CEACAM19: variants seen among roughly 807,000 people sequenced by gnomAD.
CEACAM19 encodes cell adhesion molecule CEACAM19.
CEACAM19 carries 37 observed loss-of-function variants against 37.6 expected under a neutral mutation model. That is an observed-to-expected ratio of 0.98 (90% confidence interval 0.76 to 1.29). CEACAM19 has a LOEUF of 1.29. Among genes scored for constraint, CEACAM19 ranks in the 50% most tolerant of loss-of-function variants. CEACAM19 has a pLI of 0.00. For synonymous variants in CEACAM19, 140 were observed against 149.8 expected (o/e 0.93, Z 0.48); for missense variants, 340 against 375.6 (o/e 0.91, Z 0.78).
rs144807605 is a variant in CEACAM19 at position 44,680,331 on chromosome 19, G to A, written c.703G>A (p.Ala235Thr). The A allele has an allele frequency of 6.2e-7, 1 of 1,608,760 alleles. No homozygotes were observed. Among genetic ancestry groups the A allele is most frequent in the Non-Finnish European group, 8.5e-7 (1 of 1,178,794 alleles). The stretch of plus-strand genomic sequence containing the variant: ...GCCAGAATTGGGCCCTGCTCATGAT[G>A]CTGGTAAGGCGGGAGCCCCAGATCT... ...EKPELGPAHD[A>T]GDNNIYEVMP... The change falls in exon 5 of 8, where the codon GCT becomes ACT. Residue 235 changes from alanine (A) to threonine (T), a missense_variant. By Grantham distance (58) the Ala-to-Thr change is moderately conservative. Transcript: ENST00000358777.
Position 44,682,593 on chromosome 19 carries a change from G to C in CEACAM19, c.819G>C (p.Gln273His). 1 of 1,605,244 alleles carries C rather than the reference G, an allele frequency of 6.2e-7. No individual in the cohort carries two copies. The highest frequency in any genetic ancestry group is 8.5e-7 in the Non-Finnish European group (1 of 1,176,112). Reference protein sequence around the residue: ...ARPLPTPPHLQAEPENHQYQD... With the variant: ...ARPLPTPPHLHAEPENHQYQD... ...CCCTGCCCACACCCCCACACCTGCA[G>C]GCGGAGCCAGAGAACCACCAGTACC... The change falls in exon 7 of 8, where the codon CAG (glutamine) becomes CAC (histidine). Residue 273 changes from glutamine to histidine, a missense_variant. Transcript: ENST00000358777.
At position 44,672,667 on chromosome 19, in the gene CEACAM19, C is replaced by A; in HGVS notation, c.127C>A (p.Pro43Thr). 1 of 1,536,928 alleles carries A rather than the reference C, an allele frequency of 6.5e-7. No homozygotes were observed. Among genetic ancestry groups the A allele is most frequent in the Non-Finnish European group, 8.8e-7 (1 of 1,140,594 alleles). Reference protein sequence around the residue: ...ALYIQKIPEQPQKNQDLLLSV... With the variant: ...ALYIQKIPEQTQKNQDLLLSV... Reference sequence around the variant, plus strand: ...CTACATCCAGAAGATTCCAGAGCAGCCTCAAAAGAACCAGGACCTTCTCCT... The same window carrying A: ...CTACATCCAGAAGATTCCAGAGCAGACTCAAAAGAACCAGGACCTTCTCCT... The change falls in exon 2 of 8, where the codon CCT (proline) becomes ACT (threonine). Residue 43 changes from proline (P) to threonine (T), a missense_variant. Transcript: ENST00000358777.
At chr19:44,666,563 G>A (rs557457248), upstream of CEACAM19, among the ~76,000 whole-genome samples, 1 of 152,262 alleles carries the variant, frequency 6.6e-6, no homozygotes, top group Non-Finnish European at 1.5e-5. Context: ...CCAGCTACTC[G>A]GGAGGCTGAG....
Position 44,681,077 on chromosome 19 carries a change from T to C in CEACAM19, c.707-150T>C, listed in dbSNP as rs559904876. 431 of 625,362 alleles carry C rather than the reference T, an allele frequency of 6.9e-4. 2 individuals carry two copies. The African/African-American group carries it at 7.2e-3, about 11-fold the overall frequency. The allele number at this position is 625,362 out of a possible 1,614,324, so 38.7% of individuals were successfully genotyped here. A position where few individuals can be genotyped will look rare whatever the true frequency, so the allele number is the denominator to read the frequency against. Reference sequence around the variant, plus strand: ...AAGGGCAGGCCTGGGACTGTCGTGGTCAGCACTGTGTCCCCAGCACTGGGT... The same window carrying C: ...AAGGGCAGGCCTGGGACTGTCGTGGCCAGCACTGTGTCCCCAGCACTGGGT... On this transcript the variant is annotated intron_variant, in intron 5 of 7. Coordinates refer to ENST00000358777, the MANE Select transcript of CEACAM19 (RefSeq NM_001127893.3).
chr19:44,667,684 T>TATAAATATATAATATATATTATATAA (rs1973745130), upstream of CEACAM19, among the ~76,000 whole-genome samples: 2 of 83,472 alleles, frequency 2.4e-5, no homozygotes, highest in East Asian at 2.9e-4. Flanking sequence ...ATATTATATA[T>TATAAATATATAATATATATTATATAA]ATAAATATAT....
At chr19:44,680,161 G>C (rs1974028810) in intron 4 of CEACAM19, 127 bp from the exon 5 acceptor site, 1 of 701,998 alleles carries the variant, frequency 1.4e-6, no homozygotes, top group Admixed American at 2.4e-5. Flanking sequence ...CCTCATCCTA[G>C]CTCACTCTGA....
At chr19:44,672,353 C>A in intron 1 of CEACAM19, 1 of 463,334 alleles carries the variant, frequency 2.2e-6, no homozygotes, top group Non-Finnish European at 3.8e-6. Flanking sequence ...TGTTTAGAAG[C>A]AGGCCACACA....
Position 44,682,595 on chromosome 19 carries a change from C to T in CEACAM19, c.821C>T (p.Ala274Val), listed in dbSNP as rs147663502. The change falls in exon 7 of 8, where the codon GCG becomes GTG. Residue 274 changes from alanine (A) to valine (V), a missense_variant. Transcript: ENST00000358777. The part of the protein sequence containing the change: ...RPLPTPPHLQ[A>V]EPENHQYQDL... ...CTGCCCACACCCCCACACCTGCAGG[C>T]GGAGCCAGAGAACCACCAGTACCAG... The T allele has an allele frequency of 1.6e-5, 25 of 1,604,760 alleles. No homozygotes were observed. Among genetic ancestry groups the T allele is most frequent in the African/African-American group, 1.5e-4 (11 of 74,680 alleles).
Position 44,681,249 on chromosome 19 carries a change from G to C in CEACAM19, c.729G>C (p.Val243=), listed in dbSNP as rs1447593246. ...HDAGDNNIYE[V]MPSPVLLVSP... Reference sequence around the variant, plus strand: ...CAGGTGACAACAACATCTATGAAGTGATGCCCTCTCCAGTCCTCCTGGTGT... The same window carrying C: ...CAGGTGACAACAACATCTATGAAGTCATGCCCTCTCCAGTCCTCCTGGTGT... The change falls in exon 6 of 8, where the codon GTG becomes GTC. Residue 243 remains valine (V), a synonymous_variant. Coordinates refer to ENST00000358777, the MANE Select transcript of CEACAM19 (RefSeq NM_001127893.3). 6.2e-7 allele frequency: 1 copy of C among 1,614,070 alleles called. No homozygotes were observed. The highest frequency in any genetic ancestry group is 1.7e-5 in the Admixed American group (1 of 60,002).
Position 44,683,621 on chromosome 19 carries a change from C to A in CEACAM19, c.*131C>A. On this transcript the variant is annotated 3_prime_UTR_variant, in exon 8 of 8. Transcript: ENST00000358777. ...GATGAGGTGGACTCAGCCAAAGACT[C>A]AGCAGCACATGGGGCAGGTGTCCTG... 3.8e-6 allele frequency: 2 copies of A among 523,202 alleles called. No homozygotes were observed. The highest frequency in any genetic ancestry group is 3.4e-5 in the South Asian group (1 of 29,080). The allele number at this position is 523,202 out of a possible 1,614,324, so 32.4% of individuals were successfully genotyped here.
chr19:44,681,607 T>TAC (rs1339911604), intron 6 of CEACAM19, among the ~76,000 whole-genome samples: 4 of 151,984 alleles, frequency 2.6e-5, no homozygotes, highest in Non-Finnish European at 5.9e-5. Flanking sequence ...GGGGAGGTTT[T>TAC]ATATATATAT....
intron 5 of CEACAM19, 43 bp downstream of exon 5, chr19:44,680,377 A>G: frequency 1.3e-6 from 2 of 1,551,422 alleles, no homozygotes; most frequent in South Asian, 1.1e-5. Flanking sequence ...CCCTCCTCTC[A>G]GCTCCTCCTT....
chr19:44,674,318 A>ATT (rs529395479), intron 2 of CEACAM19, among the ~76,000 whole-genome samples: 2 of 143,518 alleles, frequency 1.4e-5, no homozygotes, highest in Non-Finnish European at 3.1e-5. Flanking sequence ...GTATGCCCTT[A>ATT]TTTTTTTTTT....
chr19:44,681,267 C>T lies in CEACAM19; in HGVS notation c.747C>T (p.Leu249=), dbSNP rs1268012801. ...NIYEVMPSPV[L]LVSPISDTRS... is the part of the protein sequence containing the mutation. ...ATGAAGTGATGCCCTCTCCAGTCCT[C>T]CTGGTGTCCCCCATCAGTGACACAA... Residue 249 remains leucine (L), a synonymous_variant, in exon 6 of 8, where the codon CTC becomes CTT. Transcript: ENST00000358777. 1 of 1,614,010 alleles carries T rather than the reference C, an allele frequency of 6.2e-7. No homozygotes were observed. The highest frequency in any genetic ancestry group is 8.5e-7 in the Non-Finnish European group (1 of 1,180,020).
chr19:44,668,107 T>C (rs1234539342), upstream of CEACAM19, among the ~76,000 whole-genome samples: 1 of 86,994 alleles, frequency 1.1e-5, no homozygotes, highest in Non-Finnish European at 2.0e-5. Flanking sequence ...TATATAATAT[T>C]TTATATAATA....
chr19:44,677,411 T>A (rs1031848314), intron 3 of CEACAM19, among the ~76,000 whole-genome samples: 1 of 151,828 alleles, frequency 6.6e-6, no homozygotes, highest in Admixed American at 6.6e-5. Flanking sequence ...GGCACAGCTA[T>A]CAGATGCTAC....
upstream of CEACAM19, among the ~76,000 whole-genome samples, chr19:44,668,330 TATGTTTATAATATATATAA>T (rs1973779765): frequency 1.6e-5 from 1 of 63,780 alleles, no homozygotes; most frequent in African/African-American, 1.0e-4. Context: ...ATTTATATAA[TATGTTTATAATATATATAA>T]TATATTTATA....
rs987532157 is a variant in CEACAM19 at position 44,671,776 on chromosome 19, G to C, written c.-156G>C. The C allele has an allele frequency of 2.8e-5, 17 of 602,330 alleles. No homozygotes were observed. Among genetic ancestry groups the C allele is most frequent in the Non-Finnish European group, 4.1e-5 (14 of 338,576 alleles). The allele number at this position is 602,330 out of a possible 1,614,324, so 37.3% of individuals were successfully genotyped here. ...ATAGGTGGAGCCTCCAGAGCCCATG[G>C]ACAGGGCATGCTGGGGCTGGGCCAG... On this transcript the variant is annotated 5_prime_UTR_variant, in exon 1 of 8. Transcript: ENST00000358777.
At chr19:44,674,248 A>G (rs1257649849) in intron 2 of CEACAM19, among the ~76,000 whole-genome samples, 1 of 152,090 alleles carries the variant, frequency 6.6e-6, no homozygotes, top group African/African-American at 2.4e-5. Context: ...TCAAAAAAAA[A>G]AAAAGTGGGG....
Sources: allele counts gnomAD v4.1 joint callset (sites outside exome capture counted in the v4.1 genomes callset), GRCh38; gene constraint gnomAD v4.1.1; transcripts MANE v1.5; gene names NCBI Gene and HGNC (gene_info 2026-07-23, HGNC 2026-07-21).